The following DLGAP2 variants were observed in gnomAD, a reference collection of about 807,000 sequenced individuals.
The protein encoded by DLGAP2 is disks large-associated protein 2.
Under a neutral mutation model 100.3 loss-of-function variants are expected in DLGAP2, and 26 were observed. That is an observed-to-expected ratio of 0.26 (90% CI 0.19 to 0.36). The LOEUF (loss-of-function observed/expected upper bound fraction) is 0.36. DLGAP2 is among the 10% of genes least tolerant of loss of function. DLGAP2 has a pLI of 1.00. For missense variants in DLGAP2, 1,858 were observed against 1,453.2 expected (o/e 1.28, Z -4.53); for synonymous variants, 886 against 630.1 (o/e 1.41, Z -6.08).
chr8:1,586,746 C>T (rs964331390), intron 6 of DLGAP2, among the ~76,000 whole-genome samples: 3 of 152,212 alleles, frequency 2.0e-5, no homozygotes, highest in African/African-American at 7.2e-5. Flanking sequence ...TTTAACATTA[C>T]CGTTGGGGAA....
rs376901798 is a variant in DLGAP2 at position 932,241 on chromosome 8, C to T, written c.73+24275C>T. Among the ~76,000 whole-genome samples the T allele has an allele frequency of 5.3e-3, 805 of 152,304 alleles. 13 individuals carry two copies. Among genetic ancestry groups the T allele is most frequent in the African/African-American group, 0.019 (778 of 41,550 alleles). On this transcript the variant is annotated intron_variant, in intron 2 of 14. Coordinates refer to ENST00000637795, the MANE Select transcript of DLGAP2 (RefSeq NM_001346810.2). The stretch of plus-strand genomic sequence containing the variant: ...AAACACACATGCAGTCCAGCAGCCA[C>T]GTGTGTTCTGAAATAGAAAAGGGTG...
chr8:1,547,081 G>A (rs1349716907), intron 4 of DLGAP2, among the ~76,000 whole-genome samples: 1 of 152,122 alleles, frequency 6.6e-6, no homozygotes, highest in Non-Finnish European at 1.5e-5. Flanking sequence ...TGGGAGGAGA[G>A]GCGGCAGGAC....
At chr8:1,560,793 A>G (rs1040966315) in intron 5 of DLGAP2, among the ~76,000 whole-genome samples, 2 of 152,236 alleles carry the variant, frequency 1.3e-5, no homozygotes, top group African/African-American at 4.8e-5. Flanking sequence ...TGTGAACAAA[A>G]CATTGGCAAA....
At chr8:1,255,054 T>TCCTCTCCTGCCCAGCCGCTGTGTGTGTGC (rs1799156748) in intron 2 of DLGAP2, among the ~76,000 whole-genome samples, 3 of 108,908 alleles carry the variant, frequency 2.8e-5, no homozygotes, top group African/African-American at 1.0e-4. Context: ...TGTGTGTGTG[T>TCCTCTCCTGCCCAGCCGCTGTGTGTGTGC]CCTCTCATCC....
At chr8:793,769 A>G (rs1271754904) in intron 1 of DLGAP2, among the ~76,000 whole-genome samples, 3 of 152,106 alleles carry the variant, frequency 2.0e-5, no homozygotes, top group Non-Finnish European at 4.4e-5. Context: ...CTGCTTCATC[A>G]TGTTGGATGT....
At chr8:741,699 C>G (rs992836751) in intron 1 of DLGAP2, among the ~76,000 whole-genome samples, 9 of 152,208 alleles carry the variant, frequency 5.9e-5, no homozygotes, top group African/African-American at 2.2e-4. Context: ...CTTCCCTTTC[C>G]AGGCAGCAGC....
intron 1 of DLGAP2, among the ~76,000 whole-genome samples, chr8:772,832 C>T (rs1043392465): frequency 2.6e-5 from 4 of 152,148 alleles, no homozygotes; most frequent in African/African-American, 9.7e-5. Context: ...TCACTTCTTC[C>T]GCTGAACGGT....
chr8:1,316,636 C>G (rs1331132607), intron 3 of DLGAP2, among the ~76,000 whole-genome samples: 2 of 144,084 alleles, frequency 1.4e-5, no homozygotes, highest in African/African-American at 5.3e-5. Context: ...AGTGCAGCGT[C>G]TCTCCAACAG....
chr8:1,573,835 A>G (rs1802855272), intron 6 of DLGAP2, among the ~76,000 whole-genome samples: 1 of 152,166 alleles, frequency 6.6e-6, no homozygotes, highest in African/African-American at 2.4e-5. Context: ...CAGCCGGCAG[A>G]CCCTAGAATA....
At chr8:921,116 A>T (rs1410814265) in intron 2 of DLGAP2, among the ~76,000 whole-genome samples, 1 of 149,808 alleles carries the variant, frequency 6.7e-6, no homozygotes, top group Non-Finnish European at 1.5e-5. Flanking sequence ...TTAACTCACC[A>T]TCTCCATCTC....
chr8:984,248 G>A (rs757461972), intron 2 of DLGAP2, among the ~76,000 whole-genome samples: 2 of 152,172 alleles, frequency 1.3e-5, no homozygotes, highest in Non-Finnish European at 2.9e-5. Flanking sequence ...TTGTCAGCCT[G>A]TTTTCTTCTA....
intron 3 of DLGAP2, among the ~76,000 whole-genome samples, chr8:1,297,446 G>T (rs1800209634): frequency 8.5e-6 from 1 of 117,306 alleles, no homozygotes; most frequent in Non-Finnish European, 2.0e-5. Flanking sequence ...CGCGAGACAG[G>T]GAGGAGAAAG....
At chr8:1,203,030 C>T (rs1002107211) in intron 2 of DLGAP2, among the ~76,000 whole-genome samples, 7 of 152,214 alleles carry the variant, frequency 4.6e-5, no homozygotes, top group Admixed American at 2.0e-4. Context: ...ATCTGCCGGG[C>T]ACCCACATCC....
rs570293275 is a variant in DLGAP2 at position 989,959 on chromosome 8, C to T, written c.73+81993C>T. On this transcript the variant is annotated intron_variant, in intron 2 of 14. Transcript: ENST00000637795. ...AAATGTCGCTGTTGGGTGTTGGGTT[C>T]GATGAGCTCTGAGGAACGTATTCCT... Among the ~76,000 whole-genome samples, 97 of 152,170 alleles carry T rather than the reference C, an allele frequency of 6.4e-4. No homozygotes were observed. The Middle Eastern group carries it at 0.01, about 16-fold the overall frequency.
chr8:1,095,001 G>A (rs780214337), intron 2 of DLGAP2, among the ~76,000 whole-genome samples: 221 of 152,152 alleles, frequency 1.5e-3, no homozygotes, highest in Non-Finnish European at 9.7e-4. Context: ...GCCTGCTCCA[G>A]GTGGACCACC....
intron 8 of DLGAP2, among the ~76,000 whole-genome samples, chr8:1,658,276 G>A (rs1798330440): frequency 6.6e-6 from 1 of 152,084 alleles, no homozygotes; most frequent in South Asian, 2.1e-4. Flanking sequence ...CATATTGAAT[G>A]TACCTGGCTT....
At chr8:911,817 G>A (rs921171026) in intron 2 of DLGAP2, among the ~76,000 whole-genome samples, 1 of 152,234 alleles carries the variant, frequency 6.6e-6, no homozygotes, top group African/African-American at 2.4e-5. Flanking sequence ...GGATGCTGGA[G>A]AACACATCAG....
intron 1 of DLGAP2, among the ~76,000 whole-genome samples, chr8:783,355 C>T (rs1297713297): frequency 3.9e-5 from 6 of 152,162 alleles, no homozygotes; most frequent in Non-Finnish European, 5.9e-5. Context: ...TTTCTTCTGT[C>T]TTGGTTCTGG....
chr8:1,389,156 G>A (rs1323119388), intron 3 of DLGAP2, among the ~76,000 whole-genome samples: 1 of 152,172 alleles, frequency 6.6e-6, no homozygotes, highest in African/African-American at 2.4e-5. Context: ...CTAAGGGTGT[G>A]GAAGTGCAGG....
Sources: gnomAD v4.1 joint callset for allele counts (sites outside exome capture counted in the v4.1 genomes callset) on GRCh38, gnomAD v4.1.1 for gene constraint, MANE v1.5 for transcripts, NCBI Gene and HGNC (gene_info 2026-07-23, HGNC 2026-07-21) for gene names.